Variants in NR3C1 observed in about 807,000 individuals in gnomAD.
The protein encoded by NR3C1 is glucocorticoid receptor.
Under a neutral mutation model 74.0 loss-of-function variants are expected in NR3C1, and 14 were observed. The observed-to-expected ratio is 0.19, with a 90% CI of 0.12 to 0.30. The LOEUF is 0.30. NR3C1 is among the 10% of genes least tolerant of loss of function. The pLI is 1.00. For missense variants in NR3C1, 695 were observed against 909.8 expected, an observed-to-expected ratio of 0.76 and a Z score of 3.04; for synonymous variants, 308 against 332.5, an observed-to-expected ratio of 0.93 and a Z score of 0.80.
chr5:143,294,875 A>G, intron 7 of NR3C1: 1 of 946,534 alleles, frequency 1.1e-6, no homozygotes, highest in Non-Finnish European at 1.3e-6. Flanking sequence ...ATAGTTTATC[A>G]CTTCACCTAC....
rs946917181 is a variant in NR3C1, at chr5:143,403,325, A to T, written c.-128T>A. The T allele has an allele frequency of 8.8e-5, 87 of 984,694 alleles. No individual in the cohort carries two copies. The highest frequency in any genetic ancestry group is 1.0e-4 in the Non-Finnish European group (85 of 829,786). 61.0% of individuals were successfully genotyped at this position (984,694 alleles called of 1,614,324 possible). ...GGAGGGAAATATATTTTTTTTTTCT[A>T]AAAAAAGGAAGTAAACAGCCGCCCC... On this transcript the variant is annotated 5_prime_UTR_variant, in exon 1 of 9. An upstream open reading frame in the 5' UTR gains an earlier in-frame stop. Transcript: ENST00000394464.
intron 2 of NR3C1, among the ~76,000 whole-genome samples, chr5:143,396,355 T>C (rs1561770689): frequency 6.6e-6 from 1 of 151,798 alleles, no homozygotes; most frequent in Non-Finnish European, 1.5e-5. Context: ...GAAATCACTT[T>C]ACATAAATGA....
intron 2 of NR3C1, among the ~76,000 whole-genome samples, chr5:143,373,761 T>C (rs1834647258): frequency 6.6e-6 from 1 of 152,050 alleles, no homozygotes; most frequent in Non-Finnish European, 1.5e-5. Context: ...TTTACTAGTA[T>C]AGTCCTGCAG....
chr5:143,314,693 C>G (rs1403854818), intron 2 of NR3C1, among the ~76,000 whole-genome samples: 2 of 152,130 alleles, frequency 1.3e-5, no homozygotes, highest in African/African-American at 4.8e-5. Flanking sequence ...AGTGTCATTA[C>G]AATTCTACCC....
At chr5:143,329,837 G>C (rs1825586982) in intron 2 of NR3C1, among the ~76,000 whole-genome samples, 1 of 151,926 alleles carries the variant, frequency 6.6e-6, no homozygotes, top group Admixed American at 6.6e-5. Context: ...TATGTGAATT[G>C]TTCTAAAATT....
intron 4 of NR3C1, among the ~76,000 whole-genome samples, chr5:143,307,662 G>C (rs1468919327): frequency 2.0e-5 from 3 of 152,010 alleles, no homozygotes; most frequent in Admixed American, 6.6e-5. Context: ...TATAAAATAG[G>C]TAAAATGAAA....
At chr5:143,363,763 T>C (rs1832703650) in intron 2 of NR3C1, among the ~76,000 whole-genome samples, 1 of 152,012 alleles carries the variant, frequency 6.6e-6, no homozygotes, top group Non-Finnish European at 1.5e-5. Flanking sequence ...AAAAATTCTC[T>C]AGAAAAAAAT....
At chr5:143,286,311 A>G (rs920389202) in intron 7 of NR3C1, among the ~76,000 whole-genome samples, 16 of 152,186 alleles carry the variant, frequency 1.1e-4, no homozygotes, top group African/African-American at 2.9e-4. Context: ...TCATAACACC[A>G]AAGCTATAGA....
intron 2 of NR3C1, among the ~76,000 whole-genome samples, chr5:143,383,114 T>C (rs1339445494): frequency 1.3e-5 from 2 of 152,250 alleles, no homozygotes; most frequent in African/African-American, 2.4e-5. Flanking sequence ...GAATGTGTCC[T>C]ACAAATGTCT....
chr5:143,325,911 A>G (rs1824504506), intron 2 of NR3C1, among the ~76,000 whole-genome samples: 1 of 152,234 alleles, frequency 6.6e-6, no homozygotes, highest in African/African-American at 2.4e-5. Context: ...TCTGCAATAC[A>G]GCCAGTTAGA....
chr5:143,283,744 C>G lies in NR3C1; in HGVS notation c.2024-1019G>C, dbSNP rs115666947. On this transcript the variant is annotated intron_variant, in intron 7 of 8. Coordinates refer to ENST00000394464, the MANE Select transcript of NR3C1 (RefSeq NM_000176.3). ...AAATGGTACTAATAAGGACAAGGAA[C>G]AGAGGGTTAATCATGGTTTCACTTA... Among the ~76,000 whole-genome samples the G allele has an allele frequency of 3.5e-3, 538 of 152,166 alleles. 3 individuals carry two copies. Among genetic ancestry groups the G allele is most frequent in the African/African-American group, 0.012 (510 of 41,516 alleles).
chr5:143,388,543 T>C (rs867897127), intron 2 of NR3C1, among the ~76,000 whole-genome samples: 2 of 152,168 alleles, frequency 1.3e-5, no homozygotes, highest in Non-Finnish European at 2.9e-5. Context: ...GCTTACATTG[T>C]AGCAGGTGAG....
At chr5:143,427,116 T>C (rs143333467) in intron 1 of NR3C1, among the ~76,000 whole-genome samples, 3 of 152,318 alleles carry the variant, frequency 2.0e-5, no homozygotes, top group African/African-American at 4.8e-5. Flanking sequence ...ATATTTCTAA[T>C]TCTAGAGGAA....
At position 143,300,621 on chromosome 5, in the gene NR3C1, C is replaced by T. The variant is rs1256183504; in HGVS notation, c.1611G>A (p.Glu537=). ...QLTPTLVSLL[E]VIEPEVLYAG... ...CATATAACACTTCAGGTTCAATAAC[C>T]TCCAACAGTGACACCAGGGTAGGGG... is the stretch of plus-strand genomic sequence containing the variant. Residue 537 remains glutamate, a synonymous_variant, in exon 5 of 9, where the codon GAG becomes GAA. Transcript: ENST00000394464. The surrounding 1 kb of genome is among the most constrained non-coding windows in gnomAD (Gnocchi z 5.2). 1 of 1,614,030 alleles carries T rather than the reference C, an allele frequency of 6.2e-7. No homozygotes were observed. The highest frequency in any genetic ancestry group is 2.2e-5 in the East Asian group (1 of 44,896).
intron 2 of NR3C1, among the ~76,000 whole-genome samples, chr5:143,323,308 T>C (rs1414610666): frequency 3.3e-5 from 5 of 152,184 alleles, no homozygotes; most frequent in Admixed American, 2.0e-4. Context: ...CTCAGAATCA[T>C]GGCAGGAGGT....
chr5:143,380,263 T>G (rs1195822662), intron 2 of NR3C1, among the ~76,000 whole-genome samples: 1 of 152,218 alleles, frequency 6.6e-6, no homozygotes, highest in Non-Finnish European at 1.5e-5. Context: ...ACCTGATCCA[T>G]TCAAGAATTT....
At chr5:143,374,981 T>C (rs1384441601) in intron 2 of NR3C1, among the ~76,000 whole-genome samples, 3 of 152,016 alleles carry the variant, frequency 2.0e-5, no homozygotes, top group African/African-American at 7.2e-5. Context: ...ATCTCATCAG[T>C]AAAGGGATGC....
chr5:143,378,260 T>C (rs900153223), intron 2 of NR3C1, among the ~76,000 whole-genome samples: 10 of 151,838 alleles, frequency 6.6e-5, no homozygotes, highest in African/African-American at 2.4e-4. Flanking sequence ...CTTAAAAAAA[T>C]AAATAATACA....
chr5:143,350,130 C>A (rs894202013), intron 2 of NR3C1, among the ~76,000 whole-genome samples: 1 of 152,096 alleles, frequency 6.6e-6, no homozygotes, highest in Admixed American at 6.6e-5. Flanking sequence ...CCATGGTAAA[C>A]CCTTAGACTG....
Sources: gnomAD v4.1 joint callset for allele counts (sites outside exome capture counted in the v4.1 genomes callset) on GRCh38, gnomAD v4.1.1 for gene constraint, Gnocchi (gnomAD v3.1) non-coding constraint, MANE v1.5 for transcripts, NCBI Gene and HGNC (gene_info 2026-07-23, HGNC 2026-07-21) for gene names.